Variants in EYA1 observed in about 807,000 individuals in gnomAD.
The protein encoded by EYA1 is EYA transcriptional coactivator and phosphatase 1.
EYA1 carries 16 observed loss-of-function variants against 82.0 expected under a neutral mutation model. The observed-to-expected ratio is 0.20, with a 90% CI of 0.13 to 0.30. The LOEUF (loss-of-function observed/expected upper bound fraction) is 0.30, where lower values mean the gene tolerates loss of function less well. Ranked by LOEUF, EYA1 falls within the 10% of genes least tolerant of loss-of-function variation. EYA1 has a pLI of 1.00. For missense variants in EYA1, 633 were observed against 730.7 expected, an observed-to-expected ratio of 0.87 and a Z score of 1.54; for synonymous variants, 261 against 264.4, an observed-to-expected ratio of 0.99 and a Z score of 0.12.
intron 2 of EYA1, among the ~76,000 whole-genome samples, chr8:71,433,631 C>T (rs1805791217): frequency 2.0e-5 from 3 of 152,152 alleles, no homozygotes. Flanking sequence ...GGAGAAAGAA[C>T]ATTGTAAGTG....
intron 11 of EYA1, among the ~76,000 whole-genome samples, chr8:71,254,165 C>A (rs955616973): frequency 6.8e-6 from 1 of 146,316 alleles, no homozygotes; most frequent in Non-Finnish European, 1.5e-5. Context: ...GCTGAAGGAG[C>A]TTCTCCAACT....
chr8:71,235,258 A>G (rs982576772), intron 12 of EYA1, among the ~76,000 whole-genome samples: 2 of 150,208 alleles, frequency 1.3e-5, no homozygotes, highest in Non-Finnish European at 3.0e-5. Flanking sequence ...AAACTCTCCA[A>G]TGGCTTCGCA....
intron 2 of EYA1, among the ~76,000 whole-genome samples, chr8:71,521,348 T>C (rs1028576149): frequency 2.6e-5 from 4 of 152,186 alleles, no homozygotes; most frequent in Admixed American, 6.5e-5. Flanking sequence ...GTGAGTTTCA[T>C]TTTAATTTAA....
intron 2 of EYA1, among the ~76,000 whole-genome samples, chr8:71,506,455 G>A (rs1263195068): frequency 6.6e-6 from 1 of 152,154 alleles, no homozygotes. Context: ...TGCATGATGT[G>A]TATCTTTAAC....
chr8:71,485,595 A>T (rs1440330980), intron 2 of EYA1, among the ~76,000 whole-genome samples: 1 of 152,200 alleles, frequency 6.6e-6, no homozygotes, highest in African/African-American at 2.4e-5. Context: ...AGAGTTTACT[A>T]GTTTGGGGAG....
At chr8:71,423,412 C>T (rs1831253325) in intron 2 of EYA1, among the ~76,000 whole-genome samples, 1 of 152,118 alleles carries the variant, frequency 6.6e-6, no homozygotes, top group East Asian at 1.9e-4. Flanking sequence ...TTTATATTTT[C>T]TGATCCATCA....
intron 12 of EYA1, among the ~76,000 whole-genome samples, chr8:71,233,374 C>G (rs1369133534): frequency 1.3e-5 from 2 of 151,976 alleles, no homozygotes; most frequent in African/African-American, 4.8e-5. Flanking sequence ...ACCATCCTGG[C>G]TAACACAGTG....
intron 2 of EYA1, among the ~76,000 whole-genome samples, chr8:71,442,183 A>G (rs2129171304): frequency 6.6e-6 from 1 of 152,350 alleles, no homozygotes; most frequent in African/African-American, 2.4e-5. Flanking sequence ...ATAGTTATTT[A>G]GTTCTTAGTA....
At chr8:71,215,926 T>C (rs1245709081) in intron 14 of EYA1, among the ~76,000 whole-genome samples, 198 bp from the exon 15 acceptor site, 1 of 152,242 alleles carries the variant, frequency 6.6e-6, no homozygotes. Flanking sequence ...TTAGGGAACC[T>C]ACTTTCCTAC....
intron 3 of EYA1, among the ~76,000 whole-genome samples, 200 bp downstream of exon 3, chr8:71,354,582 A>T (rs1325824714): frequency 6.6e-6 from 1 of 152,218 alleles, no homozygotes; most frequent in Non-Finnish European, 1.5e-5. Flanking sequence ...AAACGAAACC[A>T]ATCTACGCAA....
At chr8:71,495,223 C>A (rs1056104375) in intron 2 of EYA1, among the ~76,000 whole-genome samples, 1 of 152,154 alleles carries the variant, frequency 6.6e-6, no homozygotes, top group Admixed American at 6.6e-5. Context: ...AAATTTGCTA[C>A]CATAGTATGG....
intron 4 of EYA1, among the ~76,000 whole-genome samples, chr8:71,330,996 C>T (rs1209865130): frequency 8.6e-5 from 13 of 151,848 alleles, no homozygotes; most frequent in East Asian, 5.8e-4. Flanking sequence ...TTTGGGAGGC[C>T]GAGGCGAGTG....
chr8:71,399,252 C>T (rs1042634588), intron 2 of EYA1, among the ~76,000 whole-genome samples: 39 of 152,134 alleles, frequency 2.6e-4, no homozygotes, highest in African/African-American at 8.9e-4. Flanking sequence ...CCGGGTGAAG[C>T]GATGCCCTGC....
At chr8:71,223,094 G>T (rs577195787) in intron 12 of EYA1, among the ~76,000 whole-genome samples, 2 of 152,194 alleles carry the variant, frequency 1.3e-5, no homozygotes, top group African/African-American at 4.8e-5. Context: ...TGTAGTAACC[G>T]GGTCTCTGCC....
intron 2 of EYA1, among the ~76,000 whole-genome samples, chr8:71,509,192 G>T (rs1376533918): frequency 1.3e-5 from 2 of 152,030 alleles, no homozygotes; most frequent in Non-Finnish European, 2.9e-5. Context: ...TCACGACACT[G>T]CACTGCAGCC....
At chr8:71,215,177 G>T (rs1010200365) in intron 16 of EYA1, among the ~76,000 whole-genome samples, 9 of 152,300 alleles carry the variant, frequency 5.9e-5, no homozygotes, top group South Asian at 2.1e-4. Flanking sequence ...ACGTTAGCCA[G>T]TCAAGTAAAA....
At chr8:71,453,883 TAAC>T (rs1230228099) in intron 2 of EYA1, among the ~76,000 whole-genome samples, 1 of 152,158 alleles carries the variant, frequency 6.6e-6, no homozygotes, top group Non-Finnish European at 1.5e-5. Flanking sequence ...AATAACCAGC[TAAC>T]ATCATAATGA....
intron 11 of EYA1, among the ~76,000 whole-genome samples, chr8:71,257,186 T>A (rs1341653173): frequency 1.3e-5 from 2 of 152,130 alleles, no homozygotes; most frequent in African/African-American, 4.8e-5. Context: ...TAATGTGATA[T>A]CTGGGATTTG....
chr8:71,308,452 C>T (rs1820965132), intron 7 of EYA1, among the ~76,000 whole-genome samples: 1 of 152,026 alleles, frequency 6.6e-6, no homozygotes, highest in South Asian at 2.1e-4. Context: ...GAGTGGTGGC[C>T]TTGTCAACCA....
Sources: gnomAD v4.1 joint callset for allele counts (sites outside exome capture counted in the v4.1 genomes callset) on GRCh38, gnomAD v4.1.1 for gene constraint, MANE v1.5 for transcripts, NCBI Gene and HGNC (gene_info 2026-07-23, HGNC 2026-07-21) for gene names.